The following SV2C variants were observed in gnomAD, a reference collection of about 807,000 sequenced individuals.
The protein encoded by SV2C is synaptic vesicle glycoprotein 2C.
SV2C carries 49 observed loss-of-function variants against 79.7 expected under a neutral mutation model. That is an observed-to-expected ratio of 0.61 (90% confidence interval 0.49 to 0.78). SV2C has a LOEUF of 0.78. Ranked by LOEUF, SV2C falls within the 30% of genes least tolerant of loss-of-function variation. The pLI is 0.00. For synonymous variants in SV2C, 334 were observed against 333.2 expected, an observed-to-expected ratio of 1.00 and a Z score of -0.03; for missense variants, 833 against 912.9, an observed-to-expected ratio of 0.91 and a Z score of 1.13.
intron 4 of SV2C, among the ~76,000 whole-genome samples, chr5:76,213,741 C>T (rs1398959825): frequency 6.6e-6 from 1 of 152,138 alleles, no homozygotes; most frequent in South Asian, 2.1e-4. Context: ...GATGAGAACA[C>T]TTACTCTCAG....
At chr5:75,971,656 C>G in the SV2C span, among the ~76,000 whole-genome samples, 1 of 152,096 alleles carries the variant, frequency 6.6e-6, no homozygotes, top group African/African-American at 2.4e-5. Flanking sequence ...CTACAAACCA[C>G]TGCTCAAGGA....
At chr5:75,941,439 G>A in the SV2C span, among the ~76,000 whole-genome samples, 1 of 152,062 alleles carries the variant, frequency 6.6e-6, no homozygotes, top group Non-Finnish European at 1.5e-5. Flanking sequence ...ACATATGCTT[G>A]TTATAAGATA....
chr5:75,965,525 G>T, the SV2C span, among the ~76,000 whole-genome samples: 4 of 152,154 alleles, frequency 2.6e-5, no homozygotes, highest in Non-Finnish European at 2.9e-5. Flanking sequence ...GAGAACAGGT[G>T]CTCACCAGAC....
the SV2C span, among the ~76,000 whole-genome samples, chr5:75,863,962 A>G: frequency 6.6e-6 from 1 of 152,222 alleles, no homozygotes; most frequent in Non-Finnish European, 1.5e-5. Context: ...CTTTCTGCTT[A>G]TTACATAAAG....
chr5:75,890,596 C>T, the SV2C span, among the ~76,000 whole-genome samples: 1 of 152,104 alleles, frequency 6.6e-6, no homozygotes, highest in Non-Finnish European at 1.5e-5. Flanking sequence ...GGTCTATCTC[C>T]TGCTTAGAGG....
chr5:75,942,912 C>T, the SV2C span, among the ~76,000 whole-genome samples: 1 of 152,260 alleles, frequency 6.6e-6, no homozygotes, highest in East Asian at 1.9e-4. Flanking sequence ...TGTCTGTAAT[C>T]CCAACTACTA....
At chr5:76,298,674 G>T (rs1747862747) in intron 9 of SV2C, 120 bp from the exon 10 acceptor site, 2 of 1,168,222 alleles carry the variant, frequency 1.7e-6, no homozygotes, top group Admixed American at 4.6e-5. Flanking sequence ...AGAACTCTGT[G>T]TTCTTTATAA....
At chr5:76,276,092 C>G (rs1329733219) in intron 4 of SV2C, among the ~76,000 whole-genome samples, 1 of 152,176 alleles carries the variant, frequency 6.6e-6, no homozygotes, top group Non-Finnish European at 1.5e-5. Flanking sequence ...GTTGCTGTCT[C>G]TCCACTTTCT....
chr5:76,140,602 A>C (rs1311524005), intron 2 of SV2C, among the ~76,000 whole-genome samples: 1 of 152,186 alleles, frequency 6.6e-6, no homozygotes, highest in East Asian at 1.9e-4. Context: ...CAATCTTTTT[A>C]GAGTGTGTCT....
chr5:75,938,948 C>T, the SV2C span, among the ~76,000 whole-genome samples: 1 of 152,028 alleles, frequency 6.6e-6, no homozygotes. Context: ...GGTGGAATTA[C>T]AACAATGGCA....
chr5:76,186,051 G>A (rs1238041393), intron 2 of SV2C, among the ~76,000 whole-genome samples: 1 of 152,176 alleles, frequency 6.6e-6, no homozygotes, highest in African/African-American at 2.4e-5. Context: ...GGGGCAAAAT[G>A]CCACCATTCT....
intron 2 of SV2C, among the ~76,000 whole-genome samples, chr5:76,147,513 T>A (rs1317140591): frequency 6.6e-6 from 1 of 152,222 alleles, no homozygotes; most frequent in Admixed American, 6.5e-5. Flanking sequence ...CCAGAGCACT[T>A]CAGCATGGAG....
At chr5:76,117,708 T>G (rs913907146) in intron 1 of SV2C, among the ~76,000 whole-genome samples, 2 of 150,802 alleles carry the variant, frequency 1.3e-5, no homozygotes, top group African/African-American at 5.0e-5. Context: ...ATTCGGTTAT[T>G]TATTTAAAAA....
chr5:76,227,613 C>G (rs1326178895), intron 4 of SV2C, among the ~76,000 whole-genome samples: 1 of 152,184 alleles, frequency 6.6e-6, no homozygotes, highest in Non-Finnish European at 1.5e-5. Context: ...ATCTTTATAA[C>G]CTCCGTGGCA....
downstream of SV2C, among the ~76,000 whole-genome samples, chr5:76,336,363 C>G (rs924965104): frequency 6.6e-6 from 1 of 152,028 alleles, no homozygotes; most frequent in Non-Finnish European, 1.5e-5. Flanking sequence ...CTCCTCACTT[C>G]CTAGATGGGA....
Position 76,100,579 on chromosome 5 carries a change from A to G in SV2C, c.-102+17067A>G, listed in dbSNP as rs1014534297. Among the ~76,000 whole-genome samples, 7 of 152,330 alleles carry G rather than the reference A, an allele frequency of 4.6e-5. No individual in the cohort carries two copies. The South Asian group carries it at 1.4e-3, about 32-fold the overall frequency. ...ATTTCAATCAATCAACAAATTGACCATCTCCCTTGTGCAAGGGATATGCTA... is the reference window on the plus strand; with the variant it reads ...ATTTCAATCAATCAACAAATTGACCGTCTCCCTTGTGCAAGGGATATGCTA... On this transcript the variant is annotated intron_variant, in intron 1 of 12. Coordinates refer to ENST00000502798, the MANE Select transcript of SV2C (RefSeq NM_014979.4).
chr5:76,284,694 A>G (rs1426968530), intron 4 of SV2C, among the ~76,000 whole-genome samples: 3 of 151,988 alleles, frequency 2.0e-5, no homozygotes, highest in African/African-American at 4.8e-5. Context: ...TAATATCCCA[A>G]CCCTCCTTCA....
intron 1 of SV2C, among the ~76,000 whole-genome samples, chr5:76,118,169 C>CT (rs1482356382): frequency 5.3e-5 from 8 of 152,156 alleles, no homozygotes; most frequent in African/African-American, 1.9e-4. Context: ...AGACTCCCTC[C>CT]TTGCTCTTCT....
the SV2C span, among the ~76,000 whole-genome samples, chr5:75,898,005 C>G: frequency 6.6e-6 from 1 of 151,756 alleles, no homozygotes; most frequent in African/African-American, 2.4e-5. Flanking sequence ...ACAATCATAT[C>G]GTCTGCAAAC....
Sources: gnomAD v4.1 joint callset for allele counts (sites outside exome capture counted in the v4.1 genomes callset) on GRCh38, gnomAD v4.1.1 for gene constraint, MANE v1.5 for transcripts, NCBI Gene and HGNC (gene_info 2026-07-23, HGNC 2026-07-21) for gene names.